The following HECTD2 variants were observed in gnomAD, a reference collection of about 807,000 sequenced individuals.
HECTD2 encodes the protein probable E3 ubiquitin-protein ligase HECTD2.
Under a neutral mutation model 103.2 loss-of-function variants are expected in HECTD2, and 35 were observed. The ratio of observed to expected loss-of-function variants is 0.34; its 90% CI spans 0.26 to 0.45. The LOEUF (loss-of-function observed/expected upper bound fraction) is 0.45, where lower values mean the gene tolerates loss of function less well. Ranked by LOEUF, HECTD2 falls within the 20% of genes least tolerant of loss-of-function variation. The pLI is 1.00. For missense variants in HECTD2, 596 were observed against 937.4 expected (o/e 0.64, Z 4.76); for synonymous variants, 281 against 329.9 (o/e 0.85, Z 1.61).
chr10:91,489,662 G>C (rs1373012541), intron 11 of HECTD2: 1 of 152,102 alleles, frequency 6.6e-6, no homozygotes, highest in Non-Finnish European at 1.5e-5. Context: ...AGGAAAAAAC[G>C]GTCTGTAACA....
intron 5 of HECTD2, chr10:91,462,497 G>A: frequency 1.1e-5 from 12 of 1,125,896 alleles, no homozygotes; most frequent in Non-Finnish European, 1.3e-5. Flanking sequence ...TAGATCAGTG[G>A]TTCTTAAACA....
intron 9 of HECTD2, 40 bp from the exon 10 acceptor site, chr10:91,485,140 A>G (rs764060856): frequency 7.2e-7 from 1 of 1,396,312 alleles, no homozygotes; most frequent in Non-Finnish European, 9.8e-7. Context: ...AATCTTGTAC[A>G]TGTTGGAAAA....
intron 2 of HECTD2, among the ~76,000 whole-genome samples, chr10:91,437,450 A>T (rs966032590): frequency 6.6e-6 from 1 of 152,056 alleles, no homozygotes; most frequent in African/African-American, 2.4e-5. Flanking sequence ...TAACCTACTC[A>T]TGCAGCTTCA....
chr10:91,437,213 C>T (rs1431837124), intron 2 of HECTD2, among the ~76,000 whole-genome samples: 2 of 151,862 alleles, frequency 1.3e-5, no homozygotes, highest in East Asian at 3.9e-4. Context: ...TCTTGGTTCT[C>T]CTGAGCATTA....
chr10:91,476,305 T>C (rs957496826), intron 5 of HECTD2, among the ~76,000 whole-genome samples: 2 of 152,198 alleles, frequency 1.3e-5, no homozygotes, highest in East Asian at 1.9e-4. Context: ...GAATCTGTTA[T>C]CTGGGTGCAT....
At chr10:91,511,656 C>T (rs995012107) in intron 20 of HECTD2, among the ~76,000 whole-genome samples, 2 of 152,076 alleles carry the variant, frequency 1.3e-5, no homozygotes, top group African/African-American at 4.8e-5. Flanking sequence ...ACCTAGATTC[C>T]TTGCACGTGC....
At chr10:91,500,200 T>A (rs1846843959) in intron 18 of HECTD2, among the ~76,000 whole-genome samples, 1 of 152,172 alleles carries the variant, frequency 6.6e-6, no homozygotes, top group East Asian at 1.9e-4. Flanking sequence ...ATTAGGTGGA[T>A]CAGTAGATGT....
intron 2 of HECTD2, among the ~76,000 whole-genome samples, chr10:91,428,660 A>C (rs1261062477): frequency 6.6e-6 from 1 of 151,872 alleles, no homozygotes; most frequent in African/African-American, 2.4e-5. Context: ...GAGTTCACTC[A>C]TGATTTGGCT....
intron 2 of HECTD2, among the ~76,000 whole-genome samples, chr10:91,459,244 A>G (rs1312630858): frequency 6.6e-6 from 1 of 152,056 alleles, no homozygotes; most frequent in Non-Finnish European, 1.5e-5. Context: ...TGGATCACTA[A>G]TATATTGCTG....
At chr10:91,476,544 G>A (rs1316519364) in intron 5 of HECTD2, among the ~76,000 whole-genome samples, 1 of 152,202 alleles carries the variant, frequency 6.6e-6, no homozygotes, top group African/African-American at 2.4e-5. Context: ...GAGCAAGAGG[G>A]AGGACAGAAC....
chr10:91,431,376 A>C (rs1843859826), intron 2 of HECTD2, among the ~76,000 whole-genome samples: 2 of 152,032 alleles, frequency 1.3e-5, no homozygotes, highest in African/African-American at 4.8e-5. Flanking sequence ...GCTCTTCTCA[A>C]GGAGTATCTT....
At chr10:91,457,903 T>C (rs1300105620) in intron 2 of HECTD2, among the ~76,000 whole-genome samples, 3 of 151,774 alleles carry the variant, frequency 2.0e-5, no homozygotes, top group Admixed American at 6.6e-5. Context: ...CTTACTCTTA[T>C]TCATCTCAGT....
At chr10:91,445,988 G>A (rs531993943) in intron 2 of HECTD2, among the ~76,000 whole-genome samples, 48 of 152,024 alleles carry the variant, frequency 3.2e-4, no homozygotes, top group Admixed American at 4.6e-4. Context: ...CTTGCTGCAG[G>A]AATTTTTTTT....
chr10:91,490,331 G>C (rs1041956823), intron 11 of HECTD2, among the ~76,000 whole-genome samples: 1 of 151,826 alleles, frequency 6.6e-6, no homozygotes, highest in African/African-American at 2.4e-5. Context: ...TGTTTTTATA[G>C]ATAATGCTGT....
At chr10:91,509,601 TA>T (rs926606906) in intron 20 of HECTD2, among the ~76,000 whole-genome samples, 9 of 151,878 alleles carry the variant, frequency 5.9e-5, no homozygotes, top group East Asian at 1.9e-4. Flanking sequence ...ATGCAGCCAT[TA>T]AAAAAAAGAT....
intron 2 of HECTD2, among the ~76,000 whole-genome samples, chr10:91,436,422 G>A (rs910807677): frequency 6.6e-6 from 1 of 152,018 alleles, no homozygotes; most frequent in Non-Finnish European, 1.5e-5. Context: ...GAGGGGCAGG[G>A]TAAGTATTCT....
rs1845134514 is a variant in HECTD2, at chr10:91,457,104, T to G, written c.269-3323T>G. On this transcript the variant is annotated intron_variant, in intron 2 of 20. Transcript: ENST00000298068. ...CCAATTCCTCAAAAAACAAAAGCTA[T>G]TGCAGCTCATCCAGTTTGAAATAGT... is the stretch of plus-strand genomic sequence containing the variant. Among the ~76,000 whole-genome samples the G allele has an allele frequency of 2.0e-5, 3 of 152,100 alleles. No homozygotes were observed. In the South Asian group the frequency reaches 6.2e-4, roughly 31 times the overall value.
intron 15 of HECTD2, 101 bp downstream of exon 15, chr10:91,496,473 G>A (rs781086071): frequency 2.5e-6 from 2 of 813,654 alleles, no homozygotes; most frequent in Non-Finnish European, 3.7e-6. Context: ...TTTAAATATG[G>A]TTTCCTTCTA....
chr10:91,484,873 G>A (rs1218974419), intron 9 of HECTD2, among the ~76,000 whole-genome samples: 3 of 151,784 alleles, frequency 2.0e-5, no homozygotes, highest in Non-Finnish European at 4.4e-5. Flanking sequence ...CTGTATTATG[G>A]CAATTAAGTG....
Sources: allele counts gnomAD v4.1 joint callset (sites outside exome capture counted in the v4.1 genomes callset), GRCh38; gene constraint gnomAD v4.1.1; transcripts MANE v1.5; gene names NCBI Gene and HGNC (gene_info 2026-07-23, HGNC 2026-07-21).